Variants in SORCS2 observed in about 807,000 individuals in gnomAD.
SORCS2 encodes the protein sortilin related VPS10 domain containing receptor 2.
A neutral mutation model predicts 141.6 loss-of-function variants in SORCS2; 100 were observed. The ratio of observed to expected loss-of-function variants is 0.71; its 90% CI spans 0.60 to 0.83. The LOEUF (loss-of-function observed/expected upper bound fraction) is 0.83, where lower values mean the gene tolerates loss of function less well. Among genes scored for constraint, SORCS2 ranks in the 40% least tolerant of loss-of-function variants. SORCS2 has a pLI of 0.00. For synonymous variants in SORCS2, 789 were observed against 676.9 expected, an observed-to-expected ratio of 1.17 and a Z score of -2.57; for missense variants, 1,646 against 1,560.2, an observed-to-expected ratio of 1.05 and a Z score of -0.93.
intron 26 of SORCS2, among the ~76,000 whole-genome samples, chr4:7,739,793 G>A (rs1202668211): frequency 2.0e-5 from 3 of 152,118 alleles, no homozygotes; most frequent in Non-Finnish European, 4.4e-5. Context: ...ACATCCCTAT[G>A]CCCCCCTCTC....
At chr4:7,609,183 TTTG>T (rs10645088) in intron 3 of SORCS2, among the ~76,000 whole-genome samples, 68 of 152,122 alleles carry the variant, frequency 4.5e-4, no homozygotes, top group Middle Eastern at 3.4e-3. Flanking sequence ...TGAACTTGGT[TTTG>T]TTGTTGTTGT....
intron 2 of SORCS2, among the ~76,000 whole-genome samples, chr4:7,468,311 C>G (rs2009286): frequency 0.67 from 101,430 of 152,046 alleles, 34,261 homozygotes; most frequent in Non-Finnish European, 0.73. Flanking sequence ...TGACTGAGTC[C>G]TGCAGCACCC....
chr4:7,229,916 C>T (rs1711714232), intron 1 of SORCS2, among the ~76,000 whole-genome samples: 1 of 148,160 alleles, frequency 6.7e-6, no homozygotes, highest in Non-Finnish European at 1.5e-5. Context: ...TGAAGATGGT[C>T]AAGTCTTCGA....
At chr4:7,449,324 C>T (rs1265522988) in intron 2 of SORCS2, among the ~76,000 whole-genome samples, 1 of 47,108 alleles carries the variant, frequency 2.1e-5, no homozygotes, top group Admixed American at 2.7e-4. Context: ...TTCTCTCTTC[C>T]TTCCCTTCTC....
At chr4:7,236,617 T>C (rs1712294580) in intron 1 of SORCS2, among the ~76,000 whole-genome samples, 1 of 152,228 alleles carries the variant, frequency 6.6e-6, no homozygotes, top group East Asian at 1.9e-4. Flanking sequence ...AGTCTCGCTC[T>C]GTCACCCAGG....
intron 2 of SORCS2, among the ~76,000 whole-genome samples, chr4:7,463,295 G>T (rs1033024188): frequency 2.0e-5 from 3 of 152,192 alleles, no homozygotes; most frequent in African/African-American, 7.2e-5. Flanking sequence ...TGGGGCTGTG[G>T]TATCAGACCC....
chr4:7,343,552 C>A (rs896409966), intron 1 of SORCS2, among the ~76,000 whole-genome samples: 2 of 152,236 alleles, frequency 1.3e-5, no homozygotes, highest in African/African-American at 4.8e-5. Context: ...GAGCCTTGAC[C>A]TCCGTAAGTG....
intron 1 of SORCS2, among the ~76,000 whole-genome samples, chr4:7,335,453 G>A (rs1395226446): frequency 1.3e-5 from 2 of 152,206 alleles, no homozygotes; most frequent in Non-Finnish European, 2.9e-5. Flanking sequence ...GACCCCACAC[G>A]TGCTGAGCGC....
intron 3 of SORCS2, among the ~76,000 whole-genome samples, chr4:7,633,380 C>T (rs549347563): frequency 1.3e-5 from 2 of 152,162 alleles, no homozygotes; most frequent in African/African-American, 4.8e-5. Context: ...CTGCCTGAAG[C>T]CCCGTCCCCC....
At chr4:7,440,826 T>C (rs1278460679) in intron 2 of SORCS2, among the ~76,000 whole-genome samples, 1 of 152,156 alleles carries the variant, frequency 6.6e-6, no homozygotes, top group Non-Finnish European at 1.5e-5. Flanking sequence ...GGGTCACTCA[T>C]TTCACGATCA....
chr4:7,597,738 G>A (rs1223063793), intron 3 of SORCS2, among the ~76,000 whole-genome samples: 2 of 151,718 alleles, frequency 1.3e-5, no homozygotes, highest in Non-Finnish European at 2.9e-5. Context: ...TGGAAGAGGG[G>A]GCTATTGCAG....
At chr4:7,657,042 G>A (rs896527278) in intron 5 of SORCS2, among the ~76,000 whole-genome samples, 14 of 152,310 alleles carry the variant, frequency 9.2e-5, no homozygotes, top group African/African-American at 3.1e-4. Flanking sequence ...GGGGAGTGGG[G>A]CTTTATCTGA....
At chr4:7,211,173 G>A (rs1023455899) in intron 1 of SORCS2, among the ~76,000 whole-genome samples, 1 of 144,560 alleles carries the variant, frequency 6.9e-6, no homozygotes, top group Non-Finnish European at 1.5e-5. Context: ...TTCCTGCCTG[G>A]AGAAATTTGG....
intron 1 of SORCS2, among the ~76,000 whole-genome samples, chr4:7,205,179 C>A (rs533363857): frequency 1.3e-5 from 2 of 152,304 alleles, no homozygotes; most frequent in South Asian, 4.1e-4. Flanking sequence ...TGACGTCAGG[C>A]GGCTGCTGTG....
Position 7,661,380 on chromosome 4 carries a change from A to G in SORCS2, c.888-120A>G. ...TGGGGTGGTGATGCCCTCCGGACCC[A>G]CAGAGCAAGGGCGGCTTCAGAACCA... On this transcript the variant is annotated intron_variant, in intron 5 of 26. Transcript: ENST00000507866. The G allele has an allele frequency of 1.9e-6, 2 of 1,048,462 alleles. 1 individual carries two copies. The highest frequency in any genetic ancestry group is 2.8e-5 in the South Asian group (2 of 71,910). The allele number at this position is 1,048,462 out of a possible 1,614,324, so 64.9% of individuals were successfully genotyped here. A position where few individuals can be genotyped will look rare whatever the true frequency, so the allele number is the denominator to read the frequency against.
At position 7,483,447 on chromosome 4, in the gene SORCS2, G is replaced by A. The variant is rs189207886; in HGVS notation, c.549-48083G>A. Reference sequence around the variant, plus strand: ...TTGCCCACCATGCCAGATGCTAAAAGAAAAGCATGAACAGACTCTGTCCTG... The same window carrying A: ...TTGCCCACCATGCCAGATGCTAAAAAAAAAGCATGAACAGACTCTGTCCTG... On this transcript the variant is annotated intron_variant, in intron 2 of 26. Coordinates refer to ENST00000507866, the MANE Select transcript of SORCS2 (RefSeq NM_020777.3). 2.9e-3 allele frequency among the ~76,000 whole-genome samples: 440 copies of A among 152,166 alleles called. 2 individuals carry two copies. Among genetic ancestry groups the A allele is most frequent in the Middle Eastern group, 6.8e-3 (2 of 294 alleles).
intron 1 of SORCS2, among the ~76,000 whole-genome samples, chr4:7,247,552 G>A (rs952351595): frequency 1.3e-5 from 2 of 152,226 alleles, no homozygotes; most frequent in Non-Finnish European, 1.5e-5. Context: ...TAATCTTCAT[G>A]AGGACTATTC....
chr4:7,287,142 C>T (rs900723781), intron 1 of SORCS2, among the ~76,000 whole-genome samples: 9 of 152,176 alleles, frequency 5.9e-5, no homozygotes, highest in African/African-American at 2.2e-4. Flanking sequence ...TGGGGGGTCT[C>T]CTGCCTTGCC....
chr4:7,723,725 T>C lies in SORCS2; in HGVS notation c.2453T>C (p.Val818Ala). 6.2e-7 allele frequency: 1 copy of C among 1,613,952 alleles called. No homozygotes were observed. The highest frequency in any genetic ancestry group is 1.1e-5 in the South Asian group (1 of 91,074). The change falls in exon 19 of 27, where the codon GTA becomes GCA. Residue 818 changes from valine to alanine, a missense_variant. Physicochemically the swap from Val to Ala is moderately conservative, Grantham distance 64. Transcript: ENST00000507866. ...GATGTCCTGACTACCAAGTACCAGG[T>C]AGACCTTGGGGACGGCTTCAAGGCC... ...QGDVLTTKYQ[V>A]DLGDGFKAMY... is the part of the protein sequence containing the mutation.
Sources: gnomAD v4.1 joint callset for allele counts (sites outside exome capture counted in the v4.1 genomes callset) on GRCh38, gnomAD v4.1.1 for gene constraint, MANE v1.5 for transcripts, NCBI Gene and HGNC (gene_info 2026-07-23, HGNC 2026-07-21) for gene names.